STRN3: variants seen among roughly 807,000 people sequenced by gnomAD.
The protein encoded by STRN3 is striatin 3, also known as striatin-3.
STRN3 carries 29 observed loss-of-function variants against 95.6 expected under a neutral mutation model. The ratio of observed to expected loss-of-function variants is 0.30; its 90% confidence interval spans 0.23 to 0.41. The LOEUF (loss-of-function observed/expected upper bound fraction) is 0.41. STRN3 is among the 10% of genes least tolerant of loss of function. The pLI, the probability that STRN3 is intolerant of heterozygous loss-of-function variation, is 1.00. For missense variants in STRN3, 890 were observed against 972.1 expected (o/e 0.92, Z 1.12); for synonymous variants, 331 against 357.6 (o/e 0.93, Z 0.84).
intron 9 of STRN3, among the ~76,000 whole-genome samples, chr14:30,916,897 T>C (rs962561999): frequency 2.0e-5 from 3 of 152,226 alleles, no homozygotes; most frequent in African/African-American, 4.8e-5. Context: ...AGCTCGCATA[T>C]TGAACTCTTT....
At chr14:31,018,315 T>A in intron 1 of STRN3, 1 of 258,580 alleles carries the variant, frequency 3.9e-6, no homozygotes, top group South Asian at 4.0e-5. Flanking sequence ...GTGGGCACCA[T>A]GTTGCATTCA....
At chr14:30,995,900 T>C (rs1349606161) in intron 1 of STRN3, among the ~76,000 whole-genome samples, 3 of 152,172 alleles carry the variant, frequency 2.0e-5, no homozygotes, top group African/African-American at 7.2e-5. Context: ...CGGCTGTCAA[T>C]CCTCTTTAGA....
intron 1 of STRN3, among the ~76,000 whole-genome samples, chr14:30,991,159 T>C (rs949159561): frequency 6.6e-6 from 1 of 152,214 alleles, no homozygotes; most frequent in Non-Finnish European, 1.5e-5. Flanking sequence ...ACCATTTGGT[T>C]TGAAGTTCCT....
At chr14:30,944,880 T>C (rs11624128) in intron 5 of STRN3, among the ~76,000 whole-genome samples, 28,778 of 152,030 alleles carry the variant, frequency 0.19, 3,244 homozygotes, top group Non-Finnish European at 0.26. Flanking sequence ...TCCAAAGTGC[T>C]GGGATTACAG....
At chr14:30,958,550 TTTG>T (rs969043044) in intron 1 of STRN3, among the ~76,000 whole-genome samples, 3 of 152,144 alleles carry the variant, frequency 2.0e-5, no homozygotes, top group African/African-American at 4.8e-5. Flanking sequence ...GTGTTGGCTG[TTTG>T]TTGTTGTTGT....
intron 2 of STRN3, 23 bp downstream of exon 2, chr14:30,956,116 G>A: frequency 1.9e-6 from 3 of 1,586,942 alleles, no homozygotes; most frequent in Non-Finnish European, 2.6e-6. Flanking sequence ...CTTTATTCAT[G>A]TAACAAAATG....
intron 16 of STRN3, among the ~76,000 whole-genome samples, chr14:30,896,703 C>T (rs1243315099): frequency 6.6e-6 from 1 of 152,088 alleles, no homozygotes; most frequent in Non-Finnish European, 1.5e-5. Flanking sequence ...ATTCCATTAT[C>T]AAGTTCAGTT....
intron 9 of STRN3, among the ~76,000 whole-genome samples, chr14:30,915,302 A>G (rs1417518450): frequency 1.3e-5 from 2 of 152,262 alleles, no homozygotes; most frequent in South Asian, 4.1e-4. Context: ...ATAAAATTCA[A>G]CTGTACTTAG....
chr14:30,912,914 T>G (rs1594426480), intron 10 of STRN3, among the ~76,000 whole-genome samples: 1 of 152,184 alleles, frequency 6.6e-6, no homozygotes, highest in African/African-American at 2.4e-5. Context: ...AAAAAATTGC[T>G]GAAAAACTGC....
At chr14:30,929,486 C>A (rs1298749906) in intron 7 of STRN3, among the ~76,000 whole-genome samples, 175 bp from the exon 8 acceptor site, 2 of 152,094 alleles carry the variant, frequency 1.3e-5, no homozygotes, top group East Asian at 3.8e-4. Context: ...TCTAAATGCC[C>A]ATGTCATAAG....
intron 4 of STRN3, 52 bp downstream of exon 4, chr14:30,950,811 G>C (rs1019210533): frequency 1.3e-6 from 2 of 1,493,436 alleles, no homozygotes; most frequent in African/African-American, 2.8e-5. Flanking sequence ...TTCAGTATAA[G>C]CACTTTCATA....
At chr14:30,932,776 G>GT (rs1221854340) in intron 7 of STRN3, among the ~76,000 whole-genome samples, 2 of 152,108 alleles carry the variant, frequency 1.3e-5, no homozygotes, top group African/African-American at 4.8e-5. Context: ...AAATTCCTGA[G>GT]TTTTTTCTTT....
chr14:31,017,498 CAAA>C (rs370718215), intron 1 of STRN3, among the ~76,000 whole-genome samples: 1 of 97,684 alleles, frequency 1.0e-5, no homozygotes, highest in Non-Finnish European at 2.2e-5. Context: ...GACTCCGTCT[CAAA>C]AAAAAAAAAA....
chr14:30,989,373 A>G (rs1173096591), intron 1 of STRN3, among the ~76,000 whole-genome samples: 1 of 152,198 alleles, frequency 6.6e-6, no homozygotes, highest in Admixed American at 6.5e-5. Flanking sequence ...ATGGCAGCCC[A>G]ATGATATAGT....
intron 8 of STRN3, among the ~76,000 whole-genome samples, chr14:30,928,270 G>T (rs111656410): frequency 6.6e-6 from 1 of 152,240 alleles, no homozygotes; most frequent in Admixed American, 6.5e-5. Context: ...ACTCGCACAC[G>T]TTTCCATTAC....
At chr14:30,911,916 G>C in intron 11 of STRN3, 91 bp downstream of exon 11, 5 of 1,548,408 alleles carry the variant, frequency 3.2e-6, no homozygotes, top group Non-Finnish European at 4.4e-6. Flanking sequence ...GATCAAATGT[G>C]TGCATTAAAG....
chr14:30,978,239 T>C (rs80336241), intron 1 of STRN3, among the ~76,000 whole-genome samples: 5,019 of 152,244 alleles, frequency 0.033, 290 homozygotes, highest in African/African-American at 0.11. Flanking sequence ...CTCATGAGCA[T>C]AGATGCAAAA....
Position 31,009,084 on chromosome 14 carries a change from C to A in STRN3, c.282+16820G>T, listed in dbSNP as rs116056376. Among the ~76,000 whole-genome samples the A allele has an allele frequency of 8.6e-3, 1,300 of 151,764 alleles. 22 individuals are homozygous for A. Among genetic ancestry groups the A allele is most frequent in the African/African-American group, 0.03 (1,229 of 41,372 alleles). On this transcript the variant is annotated intron_variant, in intron 1 of 17. Transcript: ENST00000357479. Reference sequence around the variant, plus strand: ...AGAAAAACAGTATTTTATAAACACACAAAAAAATGTAGATCTATGTATACT... The same window carrying A: ...AGAAAAACAGTATTTTATAAACACAAAAAAAAATGTAGATCTATGTATACT...
At chr14:31,006,025 A>T (rs946064801) in intron 1 of STRN3, among the ~76,000 whole-genome samples, 1 of 151,088 alleles carries the variant, frequency 6.6e-6, no homozygotes, top group East Asian at 2.0e-4. Flanking sequence ...GGAGGGAGGC[A>T]GGACAATCTC....
Sources: allele counts gnomAD v4.1 joint callset (sites outside exome capture counted in the v4.1 genomes callset), GRCh38; gene constraint gnomAD v4.1.1; transcripts MANE v1.5; gene names NCBI Gene and HGNC (gene_info 2026-07-23, HGNC 2026-07-21).